Variants in TENM1 observed in about 807,000 individuals in gnomAD.
The protein encoded by TENM1 is teneurin-1.
A neutral mutation model predicts 174.8 loss-of-function variants in TENM1; 35 were observed. The observed-to-expected ratio is 0.20, with a 90% CI of 0.15 to 0.27. The LOEUF (loss-of-function observed/expected upper bound fraction) is 0.27, where lower values mean the gene tolerates loss of function less well. Among genes scored for constraint, TENM1 ranks in the 10% least tolerant of loss-of-function variants. The pLI, the probability that TENM1 is intolerant of heterozygous loss-of-function variation, is 1.00. For synonymous variants in TENM1, 781 were observed against 798.7 expected (o/e 0.98, Z 0.37); for missense variants, 1,633 against 2,130.1 (o/e 0.77, Z 4.59).
At chrX:124,865,020 T>A (rs776954863) in intron 3 of TENM1, among the ~76,000 whole-genome samples, 1 of 111,310 alleles carries the variant, frequency 9.0e-6, no homozygotes. Context: ...AGTAAAAATA[T>A]CCTTCAAGCA....
chrX:124,906,314 C>T (rs1343971286), intron 1 of TENM1, among the ~76,000 whole-genome samples: 1 of 111,383 alleles, frequency 9.0e-6, no homozygotes, highest in Admixed American at 9.6e-5. Context: ...GCTTTTAAAC[C>T]ATCATAAAGT....
chrX:124,392,777 C>G (rs755282191), intron 27 of TENM1, among the ~76,000 whole-genome samples: 12 of 112,080 alleles, frequency 1.1e-4, no homozygotes, highest in Admixed American at 5.7e-4. Flanking sequence ...AAAAGGAATA[C>G]AGTGAGCCCC....
chrX:124,794,038 T>A (rs1180187583), intron 3 of TENM1, among the ~76,000 whole-genome samples: 1 of 110,690 alleles, frequency 9.0e-6, no homozygotes, highest in Non-Finnish European at 1.9e-5. Context: ...ACCTTCTGTA[T>A]CCCAACGGAA....
intron 11 of TENM1, among the ~76,000 whole-genome samples, chrX:124,638,142 G>C (rs1168577860): frequency 2.7e-5 from 3 of 111,125 alleles, no homozygotes; most frequent in Admixed American, 1.9e-4. Flanking sequence ...AGAAAGGAGT[G>C]GGGTAGGGTT....
At position 124,636,260 on chromosome X, in the gene TENM1, T is replaced by C. The variant is rs772670984; in HGVS notation, c.2077+5531A>G. On this transcript the variant is annotated intron_variant, in intron 11 of 31. Transcript: ENST00000422452. ...AGTCTGCACAGTGAGATCATCTCGA[T>C]GGTTAAATATGCTCTGTGGGAACAA... Among the ~76,000 whole-genome samples the C allele has an allele frequency of 9.8e-5, 11 of 112,273 alleles. No individual in the cohort carries two copies. The East Asian group carries it at 2.8e-3, about 29-fold the overall frequency.
At chrX:124,501,443 T>C (rs1181561389) in intron 19 of TENM1, among the ~76,000 whole-genome samples, 1 of 111,814 alleles carries the variant, frequency 8.9e-6, no homozygotes, top group Admixed American at 9.5e-5. Context: ...AAACTACCCA[T>C]TGCATAATGA....
chrX:124,802,188 T>A (rs1181774207), intron 3 of TENM1, among the ~76,000 whole-genome samples: 1 of 111,993 alleles, frequency 8.9e-6, no homozygotes, highest in Non-Finnish European at 1.9e-5. Flanking sequence ...GAAGAGGCAC[T>A]CTGGCCTTTT....
chrX:125,036,422 CA>C, the TENM1 span, among the ~76,000 whole-genome samples: 8 of 111,608 alleles, frequency 7.2e-5, no homozygotes, highest in African/African-American at 2.6e-4. Flanking sequence ...GTTAAAGTGT[CA>C]AAATGTACCA....
intron 15 of TENM1, among the ~76,000 whole-genome samples, chrX:124,543,978 T>C (rs896758520): frequency 1.8e-5 from 2 of 112,951 alleles, no homozygotes; most frequent in African/African-American, 6.4e-5. Context: ...TGTGCCACCA[T>C]CTTTAGCTCC....
the TENM1 span, among the ~76,000 whole-genome samples, chrX:125,027,456 G>A: frequency 9.0e-6 from 1 of 111,477 alleles, no homozygotes; most frequent in East Asian, 2.8e-4. Context: ...TTAGAAGACT[G>A]AACTTCATGA....
chrX:125,012,581 C>T, the TENM1 span, among the ~76,000 whole-genome samples: 1 of 111,641 alleles, frequency 9.0e-6, no homozygotes, highest in Non-Finnish European at 1.9e-5. Flanking sequence ...TTTCTAATAA[C>T]TAAAGTGTTT....
chrX:124,466,833 T>G (rs918558119), intron 22 of TENM1, among the ~76,000 whole-genome samples: 1 of 111,642 alleles, frequency 9.0e-6, no homozygotes, highest in South Asian at 3.8e-4. Flanking sequence ...AGTTCTGATT[T>G]TACTTTGCTC....
At chrX:124,411,884 T>G (rs915556063) in intron 25 of TENM1, 1 of 112,208 alleles carries the variant, frequency 8.9e-6, no homozygotes, top group Non-Finnish European at 1.9e-5. Flanking sequence ...TCTTCTGCTG[T>G]GTGTTTCCCT....
At chrX:124,937,857 C>A (rs138886386) in intron 1 of TENM1, among the ~76,000 whole-genome samples, 5,021 of 111,670 alleles carry the variant, frequency 0.045, 247 homozygotes, top group African/African-American at 0.15. Context: ...TGAATTTCCT[C>A]ATTTTCATTT....
intron 22 of TENM1, among the ~76,000 whole-genome samples, chrX:124,458,174 T>C (rs1027031152): frequency 8.9e-6 from 1 of 112,167 alleles, no homozygotes; most frequent in Non-Finnish European, 1.9e-5. Context: ...AAATTGGTAC[T>C]ATATGTGTGG....
At chrX:125,087,728 C>T in the TENM1 span, among the ~76,000 whole-genome samples, 1 of 110,613 alleles carries the variant, frequency 9.0e-6, no homozygotes, top group South Asian at 3.8e-4. Context: ...GAAAGAGCCC[C>T]CAAAGACCAA....
At chrX:124,748,328 G>T (rs1244524604) in intron 3 of TENM1, among the ~76,000 whole-genome samples, 1 of 109,748 alleles carries the variant, frequency 9.1e-6, no homozygotes, top group East Asian at 2.8e-4. Flanking sequence ...AAAATGGGTT[G>T]CATGTCAAGG....
At chrX:124,732,340 C>T (rs2053583151) in intron 4 of TENM1, among the ~76,000 whole-genome samples, 1 of 111,503 alleles carries the variant, frequency 9.0e-6, no homozygotes, top group South Asian at 3.8e-4. Flanking sequence ...ATAATTAGAA[C>T]AAGAGAGGTG....
At chrX:124,428,777 T>C (rs1289461190) in intron 23 of TENM1, among the ~76,000 whole-genome samples, 1 of 112,088 alleles carries the variant, frequency 8.9e-6, no homozygotes, top group African/African-American at 3.2e-5. Context: ...CCTGGCCCAG[T>C]TACCATTCAA....
Sources: allele counts gnomAD v4.1 joint callset (sites outside exome capture counted in the v4.1 genomes callset), GRCh38; gene constraint gnomAD v4.1.1; transcripts MANE v1.5; gene names NCBI Gene and HGNC (gene_info 2026-07-23, HGNC 2026-07-21).